EYS: variants seen among roughly 807,000 people sequenced by gnomAD.
The protein encoded by EYS is EGF-like photoreceptor maintenance factor.
EYS carries 250 observed loss-of-function variants against 282.1 expected under a neutral mutation model. The observed-to-expected ratio is 0.89, with a 90% CI of 0.80 to 0.98. EYS has a LOEUF of 0.98. Among genes scored for constraint, EYS ranks in the 50% least tolerant of loss-of-function variants. EYS has a pLI of 0.00. For missense variants in EYS, 4,016 were observed against 3,709.0 expected (o/e 1.08, Z -2.15); for synonymous variants, 1,355 against 1,282.9 (o/e 1.06, Z -1.20).
At chr6:64,013,681 A>G (rs1173650407) in intron 33 of EYS, among the ~76,000 whole-genome samples, 2 of 151,838 alleles carry the variant, frequency 1.3e-5, no homozygotes, top group Admixed American at 6.6e-5. Flanking sequence ...TTTCCCTGAG[A>G]GATGATTCTT....
intron 34 of EYS, among the ~76,000 whole-genome samples, chr6:63,995,771 C>G (rs184884418): frequency 2.0e-5 from 3 of 151,904 alleles, no homozygotes; most frequent in Admixed American, 2.0e-4. Flanking sequence ...ATAGAAAGTA[C>G]AATGGTGATT....
intron 31 of EYS, among the ~76,000 whole-genome samples, chr6:64,227,766 A>G (rs375328494): frequency 2.2e-4 from 33 of 152,104 alleles, no homozygotes; most frequent in African/African-American, 8.0e-4. Flanking sequence ...ATTGTACTCA[A>G]TAAGGGATTC....
At chr6:63,724,219 C>G (rs1392569914) in intron 42 of EYS, among the ~76,000 whole-genome samples, 1 of 152,132 alleles carries the variant, frequency 6.6e-6, no homozygotes, top group African/African-American at 2.4e-5. Context: ...GCCCACTCAA[C>G]CATGGCTGAG....
At chr6:65,330,357 T>C in intron 11 of EYS, 1 of 984,410 alleles carries the variant, frequency 1.0e-6, no homozygotes, top group Non-Finnish European at 1.2e-6. Flanking sequence ...AATTTGAGGC[T>C]TCAAAAACAG....
At chr6:64,861,923 A>G (rs965607397) in intron 19 of EYS, among the ~76,000 whole-genome samples, 35 of 152,134 alleles carry the variant, frequency 2.3e-4, no homozygotes, top group Admixed American at 3.3e-4. Flanking sequence ...GTAGATTTCA[A>G]TTTCTGACCA....
At chr6:65,679,573 T>C (rs1046596992) in intron 1 of EYS, among the ~76,000 whole-genome samples, 4 of 151,932 alleles carry the variant, frequency 2.6e-5, no homozygotes, top group South Asian at 4.1e-4. Context: ...CTAATAAGTA[T>C]AGAGTTTCAG....
At chr6:64,181,913 G>A (rs1459982409) in intron 31 of EYS, among the ~76,000 whole-genome samples, 1 of 151,988 alleles carries the variant, frequency 6.6e-6, no homozygotes, top group Non-Finnish European at 1.5e-5. Context: ...CTTCTATGAT[G>A]TTATCTCGGA....
At chr6:63,895,540 G>A (rs1773515235) in intron 35 of EYS, among the ~76,000 whole-genome samples, 1 of 152,192 alleles carries the variant, frequency 6.6e-6, no homozygotes. Flanking sequence ...TATGAAATTT[G>A]TGTACTCTGT....
chr6:64,959,207 C>T (rs1769829244), intron 14 of EYS, among the ~76,000 whole-genome samples: 1 of 152,132 alleles, frequency 6.6e-6, no homozygotes, highest in Non-Finnish European at 1.5e-5. Context: ...CTGTCATCAT[C>T]AGCATGTTGG....
chr6:65,012,676 T>C (rs1355251175), intron 13 of EYS, among the ~76,000 whole-genome samples: 1 of 152,096 alleles, frequency 6.6e-6, no homozygotes, highest in Admixed American at 6.5e-5. Flanking sequence ...TAAGGGGGAC[T>C]GCCTAGAAGC....
chr6:64,107,288 TATA>T (rs1773057563), intron 31 of EYS, among the ~76,000 whole-genome samples: 1 of 60,754 alleles, frequency 1.6e-5, no homozygotes, highest in African/African-American at 8.2e-5. Flanking sequence ...TATATATTTA[TATA>T]TATATATATA....
At chr6:64,538,178 T>C (rs1209865151) in intron 26 of EYS, among the ~76,000 whole-genome samples, 3 of 152,162 alleles carry the variant, frequency 2.0e-5, no homozygotes, top group Non-Finnish European at 4.4e-5. Context: ...TAATACGGTC[T>C]AAGGGAACCA....
intron 2 of EYS, among the ~76,000 whole-genome samples, chr6:65,497,513 C>G (rs988611648): frequency 1.3e-5 from 2 of 151,822 alleles, no homozygotes; most frequent in Non-Finnish European, 2.9e-5. Context: ...GTGGAGCTTT[C>G]TCATCAAAGA....
At chr6:64,936,292 T>C (rs746932134) in intron 15 of EYS, among the ~76,000 whole-genome samples, 54 of 151,490 alleles carry the variant, frequency 3.6e-4, no homozygotes, top group Non-Finnish European at 6.4e-4. Flanking sequence ...CAGGAGGGAA[T>C]GTCCAAAATC....
At chr6:65,618,358 G>A (rs2149799818) in intron 2 of EYS, among the ~76,000 whole-genome samples, 1 of 152,348 alleles carries the variant, frequency 6.6e-6, no homozygotes, top group East Asian at 1.9e-4. Context: ...CTTCTTTTGA[G>A]AAGTGTCTGT....
Position 63,812,179 on chromosome 6 carries a change from A to G in EYS, c.7229-5807T>C, listed in dbSNP as rs143572648. On this transcript the variant is annotated intron_variant, in intron 36 of 42. Coordinates refer to ENST00000503581, the MANE Select transcript of EYS (RefSeq NM_001142800.2). Reference sequence around the variant, plus strand: ...ATCTCCCAATCTCCAGATTTATTTTATACTCGTTTCTTCTTTCTCATTCTG... The same window carrying G: ...ATCTCCCAATCTCCAGATTTATTTTGTACTCGTTTCTTCTTTCTCATTCTG... Among the ~76,000 whole-genome samples the G allele has an allele frequency of 2.2e-3, 333 of 152,336 alleles. 1 individual carries two copies. The highest frequency in any genetic ancestry group is 7.7e-3 in the African/African-American group (319 of 41,590).
At chr6:63,849,446 G>T (rs891799494) in intron 36 of EYS, among the ~76,000 whole-genome samples, 1 of 152,140 alleles carries the variant, frequency 6.6e-6, no homozygotes, top group Non-Finnish European at 1.5e-5. Flanking sequence ...AGCACTGGCT[G>T]GCATCTGTCT....
At chr6:65,388,026 A>G (rs983952412) in intron 7 of EYS, among the ~76,000 whole-genome samples, 1 of 152,042 alleles carries the variant, frequency 6.6e-6, no homozygotes, top group African/African-American at 2.4e-5. Context: ...ATACTATTGC[A>G]TGCTTACATA....
At chr6:65,180,468 A>T (rs1360481095) in intron 12 of EYS, among the ~76,000 whole-genome samples, 1 of 152,118 alleles carries the variant, frequency 6.6e-6, no homozygotes, top group Admixed American at 6.6e-5. Flanking sequence ...TGCTTCAAAG[A>T]GAATAAAATA....
Sources: gnomAD v4.1 joint callset for allele counts (sites outside exome capture counted in the v4.1 genomes callset) on GRCh38, gnomAD v4.1.1 for gene constraint, MANE v1.5 for transcripts, NCBI Gene and HGNC (gene_info 2026-07-23, HGNC 2026-07-21) for gene names.